UBE2D2: variants seen among roughly 807,000 people sequenced by gnomAD.
UBE2D2 encodes ubiquitin conjugating enzyme E2 D2, also known as ubiquitin-conjugating enzyme E2 D2.
A neutral mutation model predicts 24.2 loss-of-function variants in UBE2D2; 2 were observed. The observed-to-expected ratio is 0.08, with a 90% CI of 0.03 to 0.26. The LOEUF is 0.26. Among genes scored for constraint, UBE2D2 ranks in the 10% least tolerant of loss-of-function variants. The pLI is 1.00. For missense variants in UBE2D2, 44 were observed against 177.6 expected, an observed-to-expected ratio of 0.25 and a Z score of 4.28; for synonymous variants, 58 against 56.5, an observed-to-expected ratio of 1.03 and a Z score of -0.12.
intron 1 of UBE2D2, among the ~76,000 whole-genome samples, chr5:139,589,903 G>A (rs1169854254): frequency 6.6e-6 from 1 of 151,938 alleles, no homozygotes; most frequent in Non-Finnish European, 1.5e-5. Flanking sequence ...TCCTGCCTCA[G>A]CCTCCCGAGT....
intron 1 of UBE2D2, among the ~76,000 whole-genome samples, chr5:139,593,050 C>CA (rs1413288766): frequency 4.2e-5 from 6 of 141,498 alleles, no homozygotes; most frequent in African/African-American, 1.3e-4. Context: ...GGCTGGAGTG[C>CA]AGTGGTGTGA....
At chr5:139,615,810 T>G (rs1001600765) in intron 5 of UBE2D2, among the ~76,000 whole-genome samples, 1 of 151,698 alleles carries the variant, frequency 6.6e-6, no homozygotes, top group Non-Finnish European at 1.5e-5. Context: ...GAAATCACAG[T>G]TGCGTTACAA....
At chr5:139,569,253 A>G (rs1297435877) in intron 1 of UBE2D2, among the ~76,000 whole-genome samples, 2 of 152,144 alleles carry the variant, frequency 1.3e-5, no homozygotes, top group East Asian at 3.8e-4. Context: ...TTCCTTTACA[A>G]AAGATCATTG....
intron 1 of UBE2D2, among the ~76,000 whole-genome samples, chr5:139,535,668 T>C (rs1752660415): frequency 6.6e-6 from 1 of 152,102 alleles, no homozygotes; most frequent in Non-Finnish European, 1.5e-5. Context: ...ATTAGTTAAA[T>C]AAATATGGAA....
intron 1 of UBE2D2, among the ~76,000 whole-genome samples, chr5:139,528,948 C>T (rs1228412994): frequency 2.0e-5 from 3 of 152,128 alleles, no homozygotes; most frequent in South Asian, 2.1e-4. Context: ...CAGTCACACC[C>T]GGAAGCTGAC....
intron 5 of UBE2D2, among the ~76,000 whole-genome samples, chr5:139,621,678 A>G (rs1230867978): frequency 1.3e-5 from 2 of 151,598 alleles, no homozygotes; most frequent in African/African-American, 4.9e-5. Context: ...ATTGGAGTGC[A>G]GTGGTGTGAA....
At chr5:139,551,967 A>G (rs1052202048) in intron 1 of UBE2D2, among the ~76,000 whole-genome samples, 2 of 152,232 alleles carry the variant, frequency 1.3e-5, no homozygotes, top group African/African-American at 4.8e-5. Context: ...AATGCTGGTA[A>G]GCAGAACACA....
At chr5:139,536,090 T>C (rs1314527520) in intron 1 of UBE2D2, among the ~76,000 whole-genome samples, 3 of 151,232 alleles carry the variant, frequency 2.0e-5, no homozygotes, top group African/African-American at 7.3e-5. Flanking sequence ...TATTTATTTA[T>C]TATTTTATTT....
intron 1 of UBE2D2, among the ~76,000 whole-genome samples, chr5:139,550,096 T>TG (rs1256429881): frequency 6.7e-6 from 1 of 150,368 alleles, no homozygotes; most frequent in East Asian, 2.0e-4. Context: ...AGTGGGGACT[T>TG]GGAGAACCTT....
intron 1 of UBE2D2, among the ~76,000 whole-genome samples, chr5:139,568,878 G>A (rs140745687): frequency 0.013 from 1,909 of 152,194 alleles, 19 homozygotes; most frequent in Non-Finnish European, 0.019. Flanking sequence ...GGCTAAGGCA[G>A]AGAGTTGCTT....
At chr5:139,606,763 C>A (rs186255969) in intron 2 of UBE2D2, among the ~76,000 whole-genome samples, 1 of 152,188 alleles carries the variant, frequency 6.6e-6, no homozygotes, top group East Asian at 1.9e-4. Context: ...CATTCAGTAA[C>A]TATTTTGGGG....
chr5:139,532,190 G>GT (rs1752606040), intron 1 of UBE2D2, among the ~76,000 whole-genome samples: 1 of 145,764 alleles, frequency 6.9e-6, no homozygotes, highest in Non-Finnish European at 1.5e-5. Context: ...TTTTTTTTTG[G>GT]GGGGGACAGA....
intron 5 of UBE2D2, among the ~76,000 whole-genome samples, chr5:139,616,774 C>G (rs889405318): frequency 7.9e-5 from 12 of 152,220 alleles, no homozygotes; most frequent in Admixed American, 7.8e-4. Context: ...ATCCCAAATG[C>G]TGAAAAAACT....
intron 1 of UBE2D2, among the ~76,000 whole-genome samples, chr5:139,580,762 A>G (rs1753585149): frequency 6.6e-6 from 1 of 152,152 alleles, no homozygotes; most frequent in African/African-American, 2.4e-5. Flanking sequence ...AATATTTTTT[A>G]AAATAAGCAA....
In UBE2D2 at chr5:139,550,352, G is replaced by A. The variant is rs559647750; in HGVS notation, c.-64+23740G>A. On this transcript the variant is annotated intron_variant, in intron 1 of 6. Transcript: ENST00000511725. ...GTAAATACAGCAATCAACACTCTGC[G>A]TCTAGCTCAGGGATTGTAAATGCAC... 2.2e-4 allele frequency among the ~76,000 whole-genome samples: 33 copies of A among 152,246 alleles called. 1 individual carries two copies. In the South Asian group the frequency reaches 3.7e-3, roughly 17 times the overall value.
intron 1 of UBE2D2, among the ~76,000 whole-genome samples, chr5:139,534,241 T>C (rs1046887909): frequency 6.6e-6 from 1 of 151,516 alleles, no homozygotes; most frequent in Non-Finnish European, 1.5e-5. Context: ...GAGACCAGCC[T>C]GACCAACATG....
intron 1 of UBE2D2, among the ~76,000 whole-genome samples, chr5:139,534,408 T>C (rs560153540): frequency 4.6e-5 from 7 of 151,946 alleles, no homozygotes; most frequent in South Asian, 2.1e-4. Context: ...CTACTAAAAA[T>C]ACAAACCATT....
chr5:139,531,846 G>T (rs776204753), intron 1 of UBE2D2, among the ~76,000 whole-genome samples: 3 of 151,872 alleles, frequency 2.0e-5, no homozygotes, highest in Non-Finnish European at 4.4e-5. Context: ...AACCAGGTGG[G>T]TATAGTGGAA....
At chr5:139,528,738 C>G (rs935159638) in intron 1 of UBE2D2, among the ~76,000 whole-genome samples, 1 of 152,072 alleles carries the variant, frequency 6.6e-6, no homozygotes, top group Non-Finnish European at 1.5e-5. Flanking sequence ...TTTGCAACAC[C>G]CTAAACCCTG....
Sources: allele counts gnomAD v4.1 joint callset (sites outside exome capture counted in the v4.1 genomes callset), GRCh38; gene constraint gnomAD v4.1.1; transcripts MANE v1.5; gene names NCBI Gene and HGNC (gene_info 2026-07-23, HGNC 2026-07-21).